The following TMEM229B variants were observed in gnomAD, a reference collection of about 807,000 sequenced individuals.
The protein encoded by TMEM229B is transmembrane protein 229B.
TMEM229B carries 6 observed loss-of-function variants against 13.7 expected under a neutral mutation model. That is an observed-to-expected ratio of 0.44 (90% CI 0.24 to 0.86). TMEM229B has a LOEUF of 0.86. TMEM229B is among the 40% of genes least tolerant of loss of function. The pLI, the probability that TMEM229B is intolerant of heterozygous loss-of-function variation, is 0.23. For synonymous variants in TMEM229B, 107 were observed against 102.1 expected (o/e 1.05, Z -0.29); for missense variants, 170 against 236.0 (o/e 0.72, Z 1.83).
At chr14:67,487,620 T>C (rs1208310629) in intron 1 of TMEM229B, among the ~76,000 whole-genome samples, 1 of 152,222 alleles carries the variant, frequency 6.6e-6, no homozygotes, top group Non-Finnish European at 1.5e-5. Flanking sequence ...CAACCACTCG[T>C]GCAGAAAAAC....
chr14:67,507,940 A>T (rs1471819296), intron 1 of TMEM229B, among the ~76,000 whole-genome samples: 1 of 152,094 alleles, frequency 6.6e-6, no homozygotes, highest in Non-Finnish European at 1.5e-5. Flanking sequence ...GGAGTTCCAG[A>T]CCAGCCTGAC....
upstream of TMEM229B, among the ~76,000 whole-genome samples, chr14:67,518,069 T>C (rs562010620): frequency 7.1e-4 from 108 of 152,344 alleles, 1 homozygote; most frequent in African/African-American, 2.6e-3. Context: ...AGGGTGACCC[T>C]GGGTGCAGGA....
Position 67,527,361 on chromosome 14 carries a change from T to C in TMEM229B, c.-192+6275A>G, listed in dbSNP as rs116095913. Reference sequence around the variant, plus strand: ...ATTAAGATGATTCCTCTGTTTCAGCTCGGGAGCCGGAGGTTGCAGTGAGCC... The same window carrying C: ...ATTAAGATGATTCCTCTGTTTCAGCCCGGGAGCCGGAGGTTGCAGTGAGCC... On this transcript the variant is annotated intron_variant, in intron 1 of 2. Transcript: ENST00000554278. Among the ~76,000 whole-genome samples the C allele has an allele frequency of 6.8e-3, 1,027 of 152,114 alleles. 16 individuals carry two copies. The highest frequency in any genetic ancestry group is 0.023 in the African/African-American group (962 of 41,476).
At chr14:67,491,422 C>T (rs906214470), upstream of TMEM229B, among the ~76,000 whole-genome samples, 4 of 152,190 alleles carry the variant, frequency 2.6e-5, no homozygotes, top group African/African-American at 4.8e-5. Flanking sequence ...AGACTGGCTC[C>T]ATCCTGAGGC....
At chr14:67,495,232 A>G (rs376797653) in intron 1 of TMEM229B, among the ~76,000 whole-genome samples, 5 of 152,198 alleles carry the variant, frequency 3.3e-5, no homozygotes, top group African/African-American at 9.6e-5. Flanking sequence ...CCGCCTGCCA[A>G]ATCCCTCCTG....
chr14:67,472,470 AT>A lies in TMEM229B; in HGVS notation c.*949del. On this transcript the variant is annotated 3_prime_UTR_variant, in exon 3 of 3. Coordinates refer to ENST00000554480, the MANE Select transcript of TMEM229B (RefSeq NM_001348543.2). The stretch of plus-strand genomic sequence containing the variant: ...GCCTGCCTGTGCATTGGAGGGCATC[AT>A]TTGTTCTCAGCTGAGCCACTGAGAA... The A allele has an allele frequency of 6.6e-6, 1 of 152,392 alleles. No individual in the cohort carries two copies. Among genetic ancestry groups the A allele is most frequent in the South Asian group, 2.1e-4 (1 of 4,812 alleles). The allele number at this position is 152,392 out of a possible 1,614,324, so 9.4% of individuals were successfully genotyped here. A position where few individuals can be genotyped will look rare whatever the true frequency, so the allele number is the denominator to read the frequency against.
intron 1 of TMEM229B, among the ~76,000 whole-genome samples, chr14:67,496,202 T>A (rs2032357113): frequency 2.0e-5 from 3 of 152,138 alleles, no homozygotes; most frequent in Admixed American, 2.0e-4. Context: ...TTATTATTTT[T>A]AAAAATTTTG....
intron 1 of TMEM229B, among the ~76,000 whole-genome samples, chr14:67,525,655 T>C (rs1210146144): frequency 6.6e-6 from 1 of 152,244 alleles, no homozygotes; most frequent in Non-Finnish European, 1.5e-5. Context: ...TTCTTCCCTC[T>C]ATAAATGGCT....
intron 1 of TMEM229B, among the ~76,000 whole-genome samples, chr14:67,496,395 T>TG (rs2032373140): frequency 2.2e-5 from 2 of 92,530 alleles, no homozygotes; most frequent in Non-Finnish European, 4.5e-5. Flanking sequence ...TCCGGCGTTT[T>TG]TTTTTTTTTT....
At chr14:67,480,475 A>G (rs1333287495) in intron 2 of TMEM229B, among the ~76,000 whole-genome samples, 1 of 152,124 alleles carries the variant, frequency 6.6e-6, no homozygotes, top group Non-Finnish European at 1.5e-5. Flanking sequence ...ACTTGAAAAG[A>G]TGGTGGAATG....
In TMEM229B at chr14:67,473,395, C is replaced by T. The variant is rs550460396; in HGVS notation, c.*25G>A. 11 of 1,607,654 alleles carry T rather than the reference C, an allele frequency of 6.8e-6. No homozygotes were observed. The highest frequency in any genetic ancestry group is 9.3e-6 in the Non-Finnish European group (11 of 1,176,882). On this transcript the variant is annotated 3_prime_UTR_variant, in exon 3 of 3. Coordinates refer to ENST00000554480, the MANE Select transcript of TMEM229B (RefSeq NM_001348543.2). This position sits in a 1 kb window ranked among gnomAD's most constrained non-coding sequence, Gnocchi z 6.5. Reference sequence around the variant, plus strand: ...TTGTCCATGAGTTCCATGAGAGATCCCCAGGCCCCCCACCCGCTTCCTGCT... The same window carrying T: ...TTGTCCATGAGTTCCATGAGAGATCTCCAGGCCCCCCACCCGCTTCCTGCT...
At chr14:67,495,590 C>A (rs1431112610) in intron 1 of TMEM229B, among the ~76,000 whole-genome samples, 2 of 152,000 alleles carry the variant, frequency 1.3e-5, no homozygotes, top group Non-Finnish European at 2.9e-5. Context: ...TCAAGCGATT[C>A]TCCTGCCTCA....
chr14:67,489,477 G>A (rs1363291256), upstream of TMEM229B, among the ~76,000 whole-genome samples: 1 of 152,162 alleles, frequency 6.6e-6, no homozygotes, highest in Non-Finnish European at 1.5e-5. Context: ...TGCCTGAGAC[G>A]CTGCTGGGAG....
At chr14:67,489,717 G>T (rs1036185482), upstream of TMEM229B, among the ~76,000 whole-genome samples, 1 of 152,194 alleles carries the variant, frequency 6.6e-6, no homozygotes, top group African/African-American at 2.4e-5. Flanking sequence ...GTAGCCGGGC[G>T]CGGTGGCTCA....
intron 1 of TMEM229B, among the ~76,000 whole-genome samples, chr14:67,526,299 T>C (rs1461631650): frequency 1.4e-5 from 2 of 139,446 alleles, no homozygotes; most frequent in African/African-American, 2.5e-5. Context: ...AAAGGATCCT[T>C]GACTTGCAGC....
intron 1 of TMEM229B, among the ~76,000 whole-genome samples, chr14:67,527,275 C>T (rs1380669745): frequency 1.3e-5 from 2 of 152,158 alleles, no homozygotes; most frequent in African/African-American, 2.4e-5. Context: ...CTTCGTGAGC[C>T]TCAGTCTATG....
chr14:67,492,505 T>C (rs1227472741), upstream of TMEM229B, among the ~76,000 whole-genome samples: 2 of 152,218 alleles, frequency 1.3e-5, no homozygotes, highest in African/African-American at 4.8e-5. Flanking sequence ...ATCTGGGTTC[T>C]TCCCACTACT....
intron 1 of TMEM229B, among the ~76,000 whole-genome samples, chr14:67,527,765 TAC>T (rs1173181103): frequency 1.3e-5 from 2 of 152,228 alleles, no homozygotes; most frequent in Admixed American, 1.3e-4. Flanking sequence ...GCTTCTATTT[TAC>T]AGTTAGGTGA....
At chr14:67,478,161 T>C (rs1181152618) in intron 2 of TMEM229B, among the ~76,000 whole-genome samples, 1 of 152,206 alleles carries the variant, frequency 6.6e-6, no homozygotes, top group Non-Finnish European at 1.5e-5. Flanking sequence ...ACTCCACCTG[T>C]CTCTCATCCT....
Sources: allele counts gnomAD v4.1 joint callset (sites outside exome capture counted in the v4.1 genomes callset), GRCh38; gene constraint gnomAD v4.1.1; non-coding constraint Gnocchi (gnomAD v3.1); transcripts MANE v1.5; gene names NCBI Gene and HGNC (gene_info 2026-07-23, HGNC 2026-07-21).